TRPM6: variants seen among roughly 807,000 people sequenced by gnomAD.
The protein encoded by TRPM6 is channel kinase 2.
Under a neutral mutation model 247.6 loss-of-function variants are expected in TRPM6, and 111 were observed. The observed-to-expected ratio is 0.45, with a 90% CI of 0.38 to 0.52. TRPM6 has a LOEUF of 0.52. Ranked by LOEUF, TRPM6 falls within the 20% of genes least tolerant of loss-of-function variation. The probability of loss-of-function intolerance (pLI) is 0.00; values close to 1 mark genes in which losing one functional copy is unlikely to be tolerated. For synonymous variants in TRPM6, 892 were observed against 853.8 expected, an observed-to-expected ratio of 1.04 and a Z score of -0.78; for missense variants, 2,126 against 2,421.5, an observed-to-expected ratio of 0.88 and a Z score of 2.56.
At chr9:74,792,404 A>C (rs1219363304) in intron 19 of TRPM6, among the ~76,000 whole-genome samples, 1 of 152,204 alleles carries the variant, frequency 6.6e-6, no homozygotes, top group Non-Finnish European at 1.5e-5. Flanking sequence ...AAGAGAGAAG[A>C]AAATGCTTGT....
intron 28 of TRPM6, among the ~76,000 whole-genome samples, chr9:74,753,674 T>C (rs1236188605): frequency 6.6e-6 from 1 of 152,112 alleles, no homozygotes; most frequent in Non-Finnish European, 1.5e-5. Flanking sequence ...CCAGCTTGGG[T>C]GATGGAGCCA....
At chr9:74,817,344 CT>C (rs546851337) in intron 9 of TRPM6, among the ~76,000 whole-genome samples, 6 of 152,058 alleles carry the variant, frequency 3.9e-5, no homozygotes, top group Non-Finnish European at 5.9e-5. Context: ...AAGACTTTTG[CT>C]TTTTTTTCTC....
Position 74,792,766 on chromosome 9 carries a change from T to C in TRPM6, c.2396A>G (p.Glu799Gly). ...ATCATGGCCCCTTTCCAAATCATACTCTTTCTATAAAATAAACAAATAATC... is the reference window on the plus strand; with the variant it reads ...ATCATGGCCCCTTTCCAAATCATACCCTTTCTATAAAATAAACAAATAATC... ...SSSKESASVK[E>G]YDLERGHDEK... is the part of the protein sequence containing the mutation. Residue 799 changes from glutamate (E) to glycine (G), a missense_variant, in exon 19 of 39, where the codon GAG (glutamate) becomes GGG (glycine). This residue lies in a region of TRPM6 where 1,082 missense variants were observed against 1,307.9 expected (regional missense o/e 0.83). Transcript: ENST00000360774. The C allele has an allele frequency of 6.2e-7, 1 of 1,613,604 alleles. No individual in the cohort carries two copies. Among genetic ancestry groups the C allele is most frequent in the Non-Finnish European group, 8.5e-7 (1 of 1,179,512 alleles).
At chr9:74,883,055 CT>C (rs1831412810) in intron 1 of TRPM6, among the ~76,000 whole-genome samples, 1 of 152,054 alleles carries the variant, frequency 6.6e-6, no homozygotes, top group Non-Finnish European at 1.5e-5. Context: ...CATAATTCCA[CT>C]TTTTGTTTGT....
intron 7 of TRPM6, among the ~76,000 whole-genome samples, chr9:74,822,482 T>C (rs549317135): frequency 1.4e-4 from 21 of 151,750 alleles, no homozygotes; most frequent in Non-Finnish European, 2.6e-4. Flanking sequence ...CTCAAGCTCC[T>C]TGTCTCAAGT....
rs74675428 is a variant in TRPM6, at chr9:74,774,635, C to T, written c.3403+1248G>A. Among the ~76,000 whole-genome samples the T allele has an allele frequency of 3.0e-3, 462 of 152,172 alleles. 2 individuals carry two copies. Among genetic ancestry groups the T allele is most frequent in the Non-Finnish European group, 4.0e-3 (270 of 67,998 alleles). Reference sequence around the variant, plus strand: ...GACCTACCTAAACACATAAATAGCCCGCTATCCCCTTAGCTGAAACTCCTG... The same window carrying T: ...GACCTACCTAAACACATAAATAGCCTGCTATCCCCTTAGCTGAAACTCCTG... On this transcript the variant is annotated intron_variant, in intron 24 of 38. Coordinates refer to ENST00000360774, the MANE Select transcript of TRPM6 (RefSeq NM_017662.5).
intron 28 of TRPM6, among the ~76,000 whole-genome samples, chr9:74,754,112 T>C (rs972375486): frequency 1.3e-4 from 19 of 151,616 alleles, no homozygotes; most frequent in Non-Finnish European, 2.1e-4. Flanking sequence ...ATAAATAAAA[T>C]CAATCTATTT....
At chr9:74,885,551 A>C (rs1468499361) in intron 1 of TRPM6, among the ~76,000 whole-genome samples, 1 of 152,254 alleles carries the variant, frequency 6.6e-6, no homozygotes, top group African/African-American at 2.4e-5. Context: ...AATAAAACTA[A>C]GAAGTAAAGA....
At chr9:74,778,005 C>T (rs569261441) in intron 23 of TRPM6, among the ~76,000 whole-genome samples, 1 of 152,280 alleles carries the variant, frequency 6.6e-6, no homozygotes, top group South Asian at 2.1e-4. Context: ...AAGGTGCCAC[C>T]CTACAAAATG....
chr9:74,848,147 A>G (rs1055716343), intron 3 of TRPM6, among the ~76,000 whole-genome samples: 7 of 152,234 alleles, frequency 4.6e-5, no homozygotes, highest in Non-Finnish European at 1.0e-4. Context: ...GATTTGTACC[A>G]CAGATCTTAG....
intron 3 of TRPM6, among the ~76,000 whole-genome samples, chr9:74,845,392 C>T (rs1218601239): frequency 3.7e-3 from 1 of 268 alleles, no homozygotes; most frequent in East Asian, 0.045. Context: ...ACCCAAATGT[C>T]CATCGTGGAG....
intron 25 of TRPM6, among the ~76,000 whole-genome samples, chr9:74,766,809 G>C (rs2118861036): frequency 6.6e-6 from 1 of 152,014 alleles, no homozygotes; most frequent in East Asian, 1.9e-4. Context: ...ACTGGGGAGG[G>C]TGAGGTAGGA....
At chr9:74,825,995 A>G (rs1228551288) in intron 7 of TRPM6, among the ~76,000 whole-genome samples, 1 of 151,894 alleles carries the variant, frequency 6.6e-6, no homozygotes, top group East Asian at 1.9e-4. Flanking sequence ...TAAGCCTCAG[A>G]ATCCTTATTC....
Position 74,860,980 on chromosome 9 carries a change from G to A in TRPM6, c.34-2232C>T, listed in dbSNP as rs376529649. On this transcript the variant is annotated intron_variant, in intron 1 of 38. Coordinates refer to ENST00000360774, the MANE Select transcript of TRPM6 (RefSeq NM_017662.5). ...CGAGGCTGCAGTGAGCCATGATTGTGCCACTGCACTCTAGCCTGGGCGACA... is the reference window on the plus strand; with the variant it reads ...CGAGGCTGCAGTGAGCCATGATTGTACCACTGCACTCTAGCCTGGGCGACA... 2.0e-5 allele frequency among the ~76,000 whole-genome samples: 3 copies of A among 152,218 alleles called. No individual in the cohort carries two copies. The South Asian group carries it at 6.2e-4, about 32-fold the overall frequency.
At chr9:74,883,119 T>C (rs1212074256) in intron 1 of TRPM6, among the ~76,000 whole-genome samples, 1 of 152,208 alleles carries the variant, frequency 6.6e-6, no homozygotes, top group Non-Finnish European at 1.5e-5. Flanking sequence ...AGTATTTATC[T>C]TTTTGTGACT....
At chr9:74,840,826 C>T (rs11144109) in intron 4 of TRPM6, among the ~76,000 whole-genome samples, 40,827 of 109,246 alleles carry the variant, frequency 0.37, 7,114 homozygotes, top group East Asian at 0.6. Context: ...AGGACTCTGT[C>T]TCAAAAAAAA....
intron 37 of TRPM6, among the ~76,000 whole-genome samples, chr9:74,728,987 A>G (rs1470640912): frequency 6.6e-6 from 1 of 152,212 alleles, no homozygotes; most frequent in Non-Finnish European, 1.5e-5. Flanking sequence ...AGTTACAAAT[A>G]GAATCAGTAT....
At chr9:74,845,796 C>T (rs1442093798) in intron 3 of TRPM6, among the ~76,000 whole-genome samples, 1 of 152,148 alleles carries the variant, frequency 6.6e-6, no homozygotes, top group Non-Finnish European at 1.5e-5. Flanking sequence ...CACTGCACTC[C>T]AGCCTGGGCA....
chr9:74,788,892 A>T (rs1370131132), intron 19 of TRPM6, 150 bp from the exon 20 acceptor site: 1 of 867,114 alleles, frequency 1.2e-6, no homozygotes, highest in East Asian at 2.7e-5. Context: ...TTGATGACCT[A>T]CTATCAAGGA....
Sources: allele counts gnomAD v4.1 joint callset (sites outside exome capture counted in the v4.1 genomes callset), GRCh38; gene constraint gnomAD v4.1.1; regional missense constraint gnomAD v4.1.1; transcripts MANE v1.5; gene names NCBI Gene and HGNC (gene_info 2026-07-23, HGNC 2026-07-21).